The following THSD4 variants were observed in gnomAD, a reference collection of about 807,000 sequenced individuals.
THSD4 encodes the protein thrombospondin type-1 domain-containing protein 4.
Under a neutral mutation model 119.0 loss-of-function variants are expected in THSD4, and 69 were observed. The ratio of observed to expected loss-of-function variants is 0.58; its 90% CI spans 0.48 to 0.71. The LOEUF is 0.71. THSD4 is among the 30% of genes least tolerant of loss of function. The probability of loss-of-function intolerance (pLI) is 0.00; values close to 1 mark genes in which losing one functional copy is unlikely to be tolerated. For missense variants in THSD4, 1,393 were observed against 1,391.1 expected (o/e 1.00, Z -0.02); for synonymous variants, 524 against 540.4 (o/e 0.97, Z 0.42).
At chr15:71,388,001 A>G (rs1287271578) in intron 6 of THSD4, among the ~76,000 whole-genome samples, 1 of 152,196 alleles carries the variant, frequency 6.6e-6, no homozygotes, top group Non-Finnish European at 1.5e-5. Context: ...AGACAGAGGC[A>G]TTTGTTATTT....
At chr15:71,661,967 C>T (rs891745648) in intron 8 of THSD4, among the ~76,000 whole-genome samples, 2 of 152,104 alleles carry the variant, frequency 1.3e-5, no homozygotes, top group Admixed American at 6.5e-5. Flanking sequence ...AGATTATGTA[C>T]CTTGCCAAGC....
intron 7 of THSD4, among the ~76,000 whole-genome samples, chr15:71,557,651 T>C (rs1045924747): frequency 6.6e-6 from 1 of 152,198 alleles, no homozygotes; most frequent in African/African-American, 2.4e-5. Flanking sequence ...TTTTATTTAA[T>C]AATTATAGGA....
intron 6 of THSD4, among the ~76,000 whole-genome samples, chr15:71,314,447 C>T (rs1038327887): frequency 1.3e-5 from 2 of 152,090 alleles, no homozygotes; most frequent in Non-Finnish European, 2.9e-5. Flanking sequence ...GCTGGGATTA[C>T]AGGTGCACAC....
chr15:71,401,652 T>C (rs2046534518), intron 6 of THSD4, among the ~76,000 whole-genome samples: 2 of 152,148 alleles, frequency 1.3e-5, no homozygotes, highest in Non-Finnish European at 2.9e-5. Flanking sequence ...ACACTGTTGG[T>C]GGGAGTGTAA....
chr15:71,699,747 A>C (rs956608342), intron 8 of THSD4, among the ~76,000 whole-genome samples: 1 of 152,224 alleles, frequency 6.6e-6, no homozygotes, highest in African/African-American at 2.4e-5. Flanking sequence ...TTTCGTGGCC[A>C]GTCTCATCAG....
Position 71,557,446 on chromosome 15 carries a change from G to A in THSD4, c.1153-103084G>A, listed in dbSNP as rs112679413. On this transcript the variant is annotated intron_variant, in intron 7 of 17. Coordinates refer to ENST00000261862, the MANE Select transcript of THSD4 (RefSeq NM_024817.3). ...GTGCCTGTAAACTTTTCTTTCTTAT[G>A]GTTTACTTTCCTGTTTTGCTATAAG... Among the ~76,000 whole-genome samples, 1,392 of 151,940 alleles carry A rather than the reference G, an allele frequency of 9.2e-3. 28 individuals are homozygous for A. The highest frequency in any genetic ancestry group is 0.032 in the African/African-American group (1,337 of 41,464).
chr15:71,604,629 T>A (rs187979111), intron 7 of THSD4, among the ~76,000 whole-genome samples: 1 of 152,324 alleles, frequency 6.6e-6, no homozygotes, highest in East Asian at 1.9e-4. Flanking sequence ...ATTATCTATA[T>A]CAAATCAGCA....
At chr15:71,732,903 C>G (rs1432547567) in intron 10 of THSD4, 1 of 152,214 alleles carries the variant, frequency 6.6e-6, no homozygotes, top group Admixed American at 6.5e-5. Context: ...TATCTGATTG[C>G]TACAGACTGG....
chr15:71,708,081 T>G (rs116985084), intron 8 of THSD4, among the ~76,000 whole-genome samples: 13,687 of 152,218 alleles, frequency 0.09, 848 homozygotes, highest in Middle Eastern at 0.15. Flanking sequence ...TTTGTGGAAG[T>G]CCTGCCAAGC....
rs150657934 is a variant in THSD4, at chr15:71,224,377, G to A, written c.464+8978G>A. 7.9e-5 allele frequency among the ~76,000 whole-genome samples: 12 copies of A among 152,246 alleles called. No homozygotes were observed. The East Asian group carries it at 1.2e-3, about 15-fold the overall frequency. ...AACATGGATGGCCAACATTTTTTCC[G>A]TGAGATGATGTATACAGTGTAAAGC... On this transcript the variant is annotated intron_variant, in intron 4 of 17. Transcript: ENST00000261862.
At chr15:71,503,032 T>C (rs568679808) in intron 7 of THSD4, among the ~76,000 whole-genome samples, 1 of 150,498 alleles carries the variant, frequency 6.6e-6, no homozygotes, top group African/African-American at 2.5e-5. Context: ...ATACCAATTC[T>C]GTGGGTGCCA....
chr15:71,709,507 G>A (rs1004265449), intron 8 of THSD4, among the ~76,000 whole-genome samples: 3 of 152,134 alleles, frequency 2.0e-5, no homozygotes, highest in African/African-American at 4.8e-5. Context: ...CCTTCCAGGG[G>A]GGCTCCTCAC....
At chr15:71,243,669 G>T (rs957779507) in intron 5 of THSD4, among the ~76,000 whole-genome samples, 1 of 151,750 alleles carries the variant, frequency 6.6e-6, no homozygotes, top group African/African-American at 2.4e-5. Flanking sequence ...TATATATACA[G>T]GTATACCCAC....
At chr15:71,333,002 C>A (rs1034200565) in intron 6 of THSD4, among the ~76,000 whole-genome samples, 3 of 148,738 alleles carry the variant, frequency 2.0e-5, no homozygotes, top group Non-Finnish European at 4.4e-5. Context: ...GACACCTCTG[C>A]CTTTAAGCTT....
rs1479882190 is a variant in THSD4 at position 71,699,273 on chromosome 15, C to G, written c.1358-29276C>G. Among the ~76,000 whole-genome samples, 5 of 52,924 alleles carry G rather than the reference C, an allele frequency of 9.4e-5. 1 individual carries two copies. The highest frequency in any genetic ancestry group is 4.7e-4 in the Admixed American group (2 of 4,292). The allele number at this position is 52,924 out of a possible 152,430, so 34.7% of individuals were successfully genotyped here. A position where few individuals can be genotyped will look rare whatever the true frequency, so the allele number is the denominator to read the frequency against. On this transcript the variant is annotated intron_variant, in intron 8 of 17. Coordinates refer to ENST00000261862, the MANE Select transcript of THSD4 (RefSeq NM_024817.3). The stretch of plus-strand genomic sequence containing the variant: ...TGTCGCCCAGGCTGGAGTGCAGTGG[C>G]GGGATCTCGGCTCACTGCAAGCTCC...
chr15:71,717,258 G>A (rs117719797), intron 8 of THSD4, among the ~76,000 whole-genome samples: 1 of 152,312 alleles, frequency 6.6e-6, no homozygotes, highest in East Asian at 1.9e-4. Flanking sequence ...CTAGGGGATT[G>A]GCTAAGTAAA....
chr15:71,732,731 A>C (rs187141327), intron 10 of THSD4: 1 of 152,286 alleles, frequency 6.6e-6, no homozygotes, highest in Admixed American at 6.5e-5. Flanking sequence ...CTGATCTCAC[A>C]CCTGGGCAGT....
At chr15:71,107,417 A>G (rs1325963805) in intron 1 of THSD4, among the ~76,000 whole-genome samples, 1 of 152,152 alleles carries the variant, frequency 6.6e-6, no homozygotes, top group Non-Finnish European at 1.5e-5. Context: ...GCAAAAGAAA[A>G]GAAAGAAAGC....
At chr15:71,326,495 G>T (rs1012499556) in intron 6 of THSD4, among the ~76,000 whole-genome samples, 2 of 149,776 alleles carry the variant, frequency 1.3e-5, no homozygotes, top group East Asian at 4.0e-4. Context: ...TGGCCAACAC[G>T]GTGAAACCCC....
Sources: allele counts gnomAD v4.1 joint callset (sites outside exome capture counted in the v4.1 genomes callset), GRCh38; gene constraint gnomAD v4.1.1; transcripts MANE v1.5; gene names NCBI Gene and HGNC (gene_info 2026-07-23, HGNC 2026-07-21).